Variants in PDE2A observed in about 807,000 individuals in gnomAD.
PDE2A encodes the protein cGMP-dependent 3',5'-cyclic phosphodiesterase.
Under a neutral mutation model 133.6 loss-of-function variants are expected in PDE2A, and 53 were observed. The ratio of observed to expected loss-of-function variants is 0.40; its 90% CI spans 0.32 to 0.50. The LOEUF (loss-of-function observed/expected upper bound fraction) is 0.50, where lower values mean the gene tolerates loss of function less well. Among genes scored for constraint, PDE2A ranks in the 20% least tolerant of loss-of-function variants. The pLI is 0.73. For missense variants in PDE2A, 796 were observed against 1,232.4 expected (o/e 0.65, Z 5.30); for synonymous variants, 491 against 490.2 (o/e 1.00, Z -0.02).
intron 6 of PDE2A, among the ~76,000 whole-genome samples, chr11:72,593,807 T>C (rs1856358586): frequency 6.6e-6 from 1 of 152,274 alleles, no homozygotes; most frequent in Non-Finnish European, 1.5e-5. Flanking sequence ...GAGCCCTCGC[T>C]GATGGCGTCG....
At chr11:72,635,441 A>G (rs1002397801) in intron 2 of PDE2A, among the ~76,000 whole-genome samples, 3 of 152,098 alleles carry the variant, frequency 2.0e-5, no homozygotes, top group African/African-American at 7.2e-5. Flanking sequence ...AAACCATCAA[A>G]TCCTAGAATC....
intron 24 of PDE2A, 69 bp from the exon 25 acceptor site, chr11:72,580,693 G>T: frequency 1.6e-6 from 2 of 1,268,614 alleles, no homozygotes; most frequent in Non-Finnish European, 2.3e-6. Flanking sequence ...TTTAGGCTGA[G>T]CAGTGTCCTG....
At chr11:72,658,994 A>G (rs1361060965) in intron 1 of PDE2A, among the ~76,000 whole-genome samples, 4 of 152,092 alleles carry the variant, frequency 2.6e-5, no homozygotes, top group Non-Finnish European at 5.9e-5. Context: ...TGCCCAGCTG[A>G]GCACAAAGTC....
At chr11:72,662,993 C>G (rs11235559) in intron 1 of PDE2A, among the ~76,000 whole-genome samples, 1 of 151,934 alleles carries the variant, frequency 6.6e-6, no homozygotes, top group Non-Finnish European at 1.5e-5. Context: ...TTTGCTCTTA[C>G]GGGGATTTTT....
chr11:72,658,312 T>C (rs1854955495), intron 1 of PDE2A: 4 of 363,952 alleles, frequency 1.1e-5, no homozygotes, highest in South Asian at 8.2e-5. Context: ...CCCACCTAGC[T>C]ACCCTCCTGG....
chr11:72,653,121 G>A (rs1854792676), intron 1 of PDE2A, among the ~76,000 whole-genome samples: 2 of 152,240 alleles, frequency 1.3e-5, no homozygotes, highest in African/African-American at 4.8e-5. Context: ...GCAGGGCGGA[G>A]GCCATTGTTT....
chr11:72,606,820 G>A (rs890998625), intron 3 of PDE2A, among the ~76,000 whole-genome samples: 2 of 152,194 alleles, frequency 1.3e-5, no homozygotes, highest in Admixed American at 6.5e-5. Flanking sequence ...GAGGGGGACA[G>A]ATTCTCGCTT....
intron 2 of PDE2A, among the ~76,000 whole-genome samples, chr11:72,619,400 C>G (rs1172288817): frequency 2.6e-5 from 4 of 152,148 alleles, no homozygotes; most frequent in African/African-American, 9.7e-5. Flanking sequence ...CCCTACGGAC[C>G]ATCACATCAT....
At position 72,583,425 on chromosome 11, in the gene PDE2A, C is replaced by G. The variant is rs769867260; in HGVS notation, c.1728+13G>C. The G allele has an allele frequency of 2.2e-5, 35 of 1,591,054 alleles. No homozygotes were observed. In the Middle Eastern group the frequency reaches 8.8e-4, roughly 40 times the overall value. The stretch of plus-strand genomic sequence containing the variant: ...AATCTGGGAGGAGGACCAGAGGTCT[C>G]TGCAAGCCTCACCTTCATGTGGTAC... On this transcript the variant is annotated intron_variant, in intron 20 of 30. Transcript: ENST00000334456.
chr11:72,584,771 C>T, intron 17 of PDE2A, 43 bp from the exon 18 acceptor site: 1 of 1,611,312 alleles, frequency 6.2e-7, no homozygotes, highest in South Asian at 1.1e-5. Context: ...AGTTAGTGAC[C>T]CGGCCACAGA....
At chr11:72,605,107 GA>G (rs1856914016) in intron 4 of PDE2A, 30 bp downstream of exon 4, 1 of 1,435,266 alleles carries the variant, frequency 7.0e-7, no homozygotes, top group African/African-American at 1.4e-5. Flanking sequence ...GGCCATGCAA[GA>G]GGGCAATGGG....
intron 11 of PDE2A, 124 bp from the exon 12 acceptor site, chr11:72,589,364 G>GGTCA: frequency 1.4e-6 from 1 of 740,562 alleles, no homozygotes; most frequent in South Asian, 1.6e-5. Context: ...TGGTGGACAG[G>GGTCA]GTCAGCATTG....
chr11:72,581,399 C>T lies in PDE2A; in HGVS notation c.2003G>A (p.Cys668Tyr). ...CTCCAGGTTCTTGTAGAGCAGGTAGCAGAAGTGGGAGACAGAAAAGGCGTG... is the reference window on the plus strand; with the variant it reads ...CTCCAGGTTCTTGTAGAGCAGGTAGTAGAAGTGGGAGACAGAAAAGGCGTG... ...WMHAFSVSHF[C>Y]YLLYKNLELT... Residue 668 changes from cysteine to tyrosine, a missense_variant, in exon 23 of 31, where the codon TGC becomes TAC. This residue lies in a region of PDE2A where 218 missense variants were observed against 465.9 expected (regional missense o/e 0.47). Coordinates refer to ENST00000334456, the MANE Select transcript of PDE2A (RefSeq NM_002599.5). 6.2e-7 allele frequency: 1 copy of T among 1,612,916 alleles called. No homozygotes were observed. Among genetic ancestry groups the T allele is most frequent in the Non-Finnish European group, 8.5e-7 (1 of 1,179,746 alleles).
In PDE2A at chr11:72,590,040, C is replaced by G. The variant is rs1299640177; in HGVS notation, c.757-59G>C. 6.8e-7 allele frequency: 1 copy of G among 1,474,564 alleles called. No homozygotes were observed. Among genetic ancestry groups the G allele is most frequent in the Admixed American group, 1.9e-5 (1 of 51,450 alleles). 91.3% of individuals were successfully genotyped at this position (1,474,564 alleles called of 1,614,324 possible). ...CGCGGATCCGGGTCACCCCACTCCC[C>G]ACCTGCTCCCCTCTCCGGGGCTCTT... On this transcript the variant is annotated intron_variant, in intron 9 of 30. Coordinates refer to ENST00000334456, the MANE Select transcript of PDE2A (RefSeq NM_002599.5). The surrounding 1 kb of genome is among the most constrained non-coding windows in gnomAD (Gnocchi z 4.8).
Position 72,608,705 on chromosome 11 carries a change from T to C in PDE2A, c.191A>G (p.Gln64Arg). 6.3e-7 allele frequency: 1 copy of C among 1,577,620 alleles called. No individual in the cohort carries two copies. Residue 64 changes from glutamine (Q) to arginine (R), a missense_variant, in exon 3 of 31, where the codon CAA becomes CGA. Physicochemically the swap from Gln to Arg is conservative, Grantham distance 43. This residue lies in a region of PDE2A where 417 missense variants were observed against 475.3 expected (regional missense o/e 0.88). Coordinates refer to ENST00000334456, the MANE Select transcript of PDE2A (RefSeq NM_002599.5). ...TGACAGGGCCTCCTTGACAGCACGT[T>C]GCAGGCCTGAAATGTCGATGACAGA... The part of the protein sequence containing the change: ...LGSVIDISGL[Q>R]RAVKEALSAV...
At chr11:72,658,184 G>T (rs114183874) in intron 1 of PDE2A, 1 of 452,282 alleles carries the variant, frequency 2.2e-6, no homozygotes, top group Non-Finnish European at 4.4e-6. Flanking sequence ...CCGACTTATC[G>T]CTGCCTTCTC....
Position 72,576,285 on chromosome 11 carries a change from A to T in PDE2A, c.*1099T>A, listed in dbSNP as rs1029839335. 3 of 151,560 alleles carry T rather than the reference A, an allele frequency of 2.0e-5. No homozygotes were observed. Among genetic ancestry groups the T allele is most frequent in the Admixed American group, 6.6e-5 (1 of 15,174 alleles). 9.4% of individuals were successfully genotyped at this position (151,560 alleles called of 1,614,324 possible). A position where few individuals can be genotyped will look rare whatever the true frequency, so the allele number is the denominator to read the frequency against. On this transcript the variant is annotated 3_prime_UTR_variant, in exon 31 of 31. Coordinates refer to ENST00000334456, the MANE Select transcript of PDE2A (RefSeq NM_002599.5). Reference sequence around the variant, plus strand: ...GCAGGTGGACCCCCTCCCCCACCCCACAACGCACACAGAATGAAACAGAGA... The same window carrying T: ...GCAGGTGGACCCCCTCCCCCACCCCTCAACGCACACAGAATGAAACAGAGA...
chr11:72,669,148 C>T (rs574109242), intron 1 of PDE2A: 1 of 169,924 alleles, frequency 5.9e-6, no homozygotes, highest in African/African-American at 2.4e-5. Context: ...TTGCCCAGGA[C>T]CACACAGCTA....
At chr11:72,580,340 G>A (rs932903403) in intron 25 of PDE2A, among the ~76,000 whole-genome samples, 1 of 152,152 alleles carries the variant, frequency 6.6e-6, no homozygotes, top group African/African-American at 2.4e-5. Flanking sequence ...GGGGCTGAAT[G>A]GGGTGTTCCC....
Sources: allele counts gnomAD v4.1 joint callset (sites outside exome capture counted in the v4.1 genomes callset), GRCh38; gene constraint gnomAD v4.1.1; regional missense constraint gnomAD v4.1.1; non-coding constraint Gnocchi (gnomAD v3.1); transcripts MANE v1.5; gene names NCBI Gene and HGNC (gene_info 2026-07-23, HGNC 2026-07-21).